The following IQSEC1 variants were observed in gnomAD, a reference collection of about 807,000 sequenced individuals.
The protein encoded by IQSEC1 is IQ motif and SEC7 domain-containing protein 1.
IQSEC1 carries 31 observed loss-of-function variants against 91.0 expected under a neutral mutation model. The observed-to-expected ratio is 0.34, with a 90% CI of 0.26 to 0.46. IQSEC1 has a LOEUF of 0.46. Among genes scored for constraint, IQSEC1 ranks in the 20% least tolerant of loss-of-function variants. IQSEC1 has a pLI of 1.00. For missense variants in IQSEC1, 1,388 were observed against 1,575.6 expected (o/e 0.88, Z 2.02); for synonymous variants, 699 against 662.6 (o/e 1.05, Z -0.84).
At position 12,924,847 on chromosome 3, in the gene IQSEC1, C is replaced by T. The variant is rs1412223436; in HGVS notation, c.1569-105G>A. 1.3e-5 allele frequency: 14 copies of T among 1,076,480 alleles called. No individual in the cohort carries two copies. Among genetic ancestry groups the T allele is most frequent in the Non-Finnish European group, 1.7e-5 (13 of 759,286 alleles). 66.7% of individuals were successfully genotyped at this position (1,076,480 alleles called of 1,614,324 possible). ...GACGGTCGACATTCTCCCTCCCTGC[C>T]CACCTGCACCGGCCTTCATCCCTGT... On this transcript the variant is annotated intron_variant, in intron 3 of 13. Coordinates refer to ENST00000613206, the MANE Select transcript of IQSEC1 (RefSeq NM_001134382.3). This position sits in a 1 kb window ranked among gnomAD's most constrained non-coding sequence, Gnocchi z 6.3.
intron 2 of IQSEC1, among the ~76,000 whole-genome samples, chr3:13,083,167 T>A (rs1339328630): frequency 6.6e-6 from 1 of 152,208 alleles, no homozygotes; most frequent in African/African-American, 2.4e-5. Context: ...AGGTGCTCAA[T>A]TAATGCCCGT....
rs1452079567 is a variant in IQSEC1, at chr3:13,236,318, G to A, written c.272+46393C>T. Among the ~76,000 whole-genome samples the A allele has an allele frequency of 2.0e-5, 3 of 152,264 alleles. No individual in the cohort carries two copies. The South Asian group carries it at 6.2e-4, about 32-fold the overall frequency. ...CCTTCACATACTTAAGGCCAACTGG[G>A]GTGAAGCACACAGCCAGGCTGTGCT... On this transcript the variant is annotated intron_variant, in intron 1 of 15. Transcript: ENST00000648114.
At chr3:13,130,607 C>T (rs1706595849) in intron 2 of IQSEC1, among the ~76,000 whole-genome samples, 1 of 152,024 alleles carries the variant, frequency 6.6e-6, no homozygotes, top group Non-Finnish European at 1.5e-5. Flanking sequence ...TATATCCTAT[C>T]CATACATCAA....
Position 12,909,573 on chromosome 3 carries a change from G to A in IQSEC1, c.2417-139C>T. ...GTGCCGGGAGTCCAGCCTCCGCAGT[G>A]GCAGGCTGCAGGGGTGCAGAGCAAC... On this transcript the variant is annotated intron_variant, in intron 10 of 13. Transcript: ENST00000613206. This position sits in a 1 kb window ranked among gnomAD's most constrained non-coding sequence, Gnocchi z 4.9. 3 of 801,930 alleles carry A rather than the reference G, an allele frequency of 3.7e-6. No individual in the cohort carries two copies. Among genetic ancestry groups the A allele is most frequent in the Non-Finnish European group, 4.0e-6 (2 of 503,742 alleles). 49.7% of individuals were successfully genotyped at this position (801,930 alleles called of 1,614,324 possible). A position where few individuals can be genotyped will look rare whatever the true frequency, so the allele number is the denominator to read the frequency against.
At chr3:13,257,060 G>A (rs1293191092) in intron 1 of IQSEC1, among the ~76,000 whole-genome samples, 1 of 152,146 alleles carries the variant, frequency 6.6e-6, no homozygotes, top group Non-Finnish European at 1.5e-5. Flanking sequence ...TACCTCTGGT[G>A]CTGCCATGAG....
chr3:13,238,768 A>T (rs1694973952), intron 1 of IQSEC1, among the ~76,000 whole-genome samples: 1 of 151,740 alleles, frequency 6.6e-6, no homozygotes, highest in African/African-American at 2.4e-5. Context: ...GATGGCCTCC[A>T]CTCTGAGTCC....
chr3:13,053,001 C>T, intron 1 of IQSEC1: 1 of 1,203,500 alleles, frequency 8.3e-7, no homozygotes, highest in Non-Finnish European at 1.2e-6. Flanking sequence ...CCAATGTCTC[C>T]TTTTGGAGTT....
intron 1 of IQSEC1, among the ~76,000 whole-genome samples, chr3:13,221,209 C>T (rs574929711): frequency 7.2e-5 from 11 of 152,160 alleles, no homozygotes; most frequent in East Asian, 5.8e-4. Flanking sequence ...GCCCTGGTCA[C>T]GGTGGGGTGC....
chr3:13,155,828 C>G (rs1707077450), intron 2 of IQSEC1, among the ~76,000 whole-genome samples: 2 of 152,144 alleles, frequency 1.3e-5, no homozygotes, highest in South Asian at 4.1e-4. Context: ...AAACTGTTCA[C>G]TGTAATGCAT....
rs1694357286 is a variant in IQSEC1 at position 13,207,032 on chromosome 3, C to A, written c.273-42899G>T. On this transcript the variant is annotated intron_variant, in intron 1 of 15. Transcript: ENST00000648114. This position sits in a 1 kb window ranked among gnomAD's most constrained non-coding sequence, Gnocchi z 4.8. ...CACACCTGGACTGGTCATTTCCCAT[C>A]TCTAGCATATTAGCCAGGACAGCAT... Among the ~76,000 whole-genome samples, 1 of 152,132 alleles carries A rather than the reference C, an allele frequency of 6.6e-6. No individual in the cohort carries two copies.
intron 1 of IQSEC1, among the ~76,000 whole-genome samples, chr3:13,046,143 C>A (rs1166194915): frequency 2.6e-5 from 4 of 152,238 alleles, no homozygotes; most frequent in African/African-American, 4.8e-5. Context: ...TCTGCCCCCG[C>A]AGTCTCGAAT....
intron 1 of IQSEC1, among the ~76,000 whole-genome samples, chr3:13,059,448 C>T (rs1319092078): frequency 6.6e-6 from 1 of 152,226 alleles, no homozygotes; most frequent in East Asian, 1.9e-4. Flanking sequence ...ACAGGCCTGG[C>T]ACGGGGTGCC....
intron 1 of IQSEC1, among the ~76,000 whole-genome samples, chr3:13,197,074 G>A (rs1009186537): frequency 6.6e-6 from 1 of 152,068 alleles, no homozygotes; most frequent in Non-Finnish European, 1.5e-5. Context: ...GGACACTGTG[G>A]ACCATAGACC....
chr3:13,055,608 G>A (rs1414530321), intron 1 of IQSEC1, among the ~76,000 whole-genome samples: 1 of 152,158 alleles, frequency 6.6e-6, no homozygotes, highest in Non-Finnish European at 1.5e-5. Flanking sequence ...TGTAGAGCAG[G>A]GGCACAGGCA....
Position 12,901,185 on chromosome 3 carries a change from GGGT to G in IQSEC1, c.3140_3142del (p.His1047del), listed in dbSNP as rs753048535. The G allele has an allele frequency of 9.2e-5, 141 of 1,538,798 alleles. No homozygotes were observed. The highest frequency in any genetic ancestry group is 1.7e-4 in the Middle Eastern group (1 of 5,908). The stretch of plus-strand genomic sequence containing the variant: ...GTGTGCGTGCTGGATGTGCTGGGGT[GGGT>G]GGTGGTGGTGGTGATGGTGGTACGG... On this transcript the variant is annotated inframe_deletion, in exon 14 of 14. Transcript: ENST00000613206.
At chr3:12,938,903 C>T (rs1368262748) in intron 2 of IQSEC1, among the ~76,000 whole-genome samples, 1 of 152,232 alleles carries the variant, frequency 6.6e-6, no homozygotes, top group Non-Finnish European at 1.5e-5. Context: ...CTGGCAGTTC[C>T]TCCCCCAGGG....
chr3:12,936,987 C>T (rs2125315786), intron 2 of IQSEC1, among the ~76,000 whole-genome samples: 1 of 151,686 alleles, frequency 6.6e-6, no homozygotes, highest in East Asian at 1.9e-4. Flanking sequence ...GGCTGGAGTG[C>T]AATGGCACAA....
chr3:12,971,806 A>C (rs1233402519), intron 1 of IQSEC1, among the ~76,000 whole-genome samples: 2 of 152,280 alleles, frequency 1.3e-5, no homozygotes, highest in African/African-American at 2.4e-5. Context: ...TGGCTCACCC[A>C]AAGTCAGGAG....
chr3:13,145,898 C>T (rs941464817), intron 2 of IQSEC1, among the ~76,000 whole-genome samples: 2 of 151,440 alleles, frequency 1.3e-5, no homozygotes, highest in African/African-American at 4.9e-5. Context: ...GGCAGGCAGG[C>T]AACATGCAGT....
Sources: allele counts gnomAD v4.1 joint callset (sites outside exome capture counted in the v4.1 genomes callset), GRCh38; gene constraint gnomAD v4.1.1; non-coding constraint Gnocchi (gnomAD v3.1); transcripts MANE v1.5; gene names NCBI Gene and HGNC (gene_info 2026-07-23, HGNC 2026-07-21).